The following ATRX variants were observed in gnomAD, a reference collection of about 807,000 sequenced individuals.
ATRX encodes the protein ATRX chromatin remodeler.
In ATRX, 12 loss-of-function variants were observed where a neutral mutation model predicts 172.6. The ratio of observed to expected loss-of-function variants is 0.07; its 90% CI spans 0.04 to 0.11. The LOEUF is 0.11. ATRX is among the 10% of genes least tolerant of loss of function. ATRX has a pLI of 1.00. For missense variants in ATRX, 1,368 were observed against 1,767.4 expected, an observed-to-expected ratio of 0.77 and a Z score of 4.05; for synonymous variants, 674 against 594.7, an observed-to-expected ratio of 1.13 and a Z score of -1.94.
intron 27 of ATRX, among the ~76,000 whole-genome samples, chrX:77,585,367 A>G (rs1192169070): frequency 9.2e-6 from 1 of 108,584 alleles, no homozygotes; most frequent in East Asian, 2.9e-4. Flanking sequence ...TGAGGTCAAG[A>G]GTTTGAGACC....
chrX:77,755,465 G>A (rs1184373038), intron 1 of ATRX, among the ~76,000 whole-genome samples: 2 of 112,253 alleles, frequency 1.8e-5, no homozygotes, highest in African/African-American at 6.5e-5. Context: ...CCTCATCTTC[G>A]TGGATTTATC....
rs781888987 is a variant in ATRX, at chrX:77,735,361, C to T, written c.21-18118G>A. 7.2e-5 allele frequency among the ~76,000 whole-genome samples: 8 copies of T among 111,541 alleles called. No homozygotes were observed. In the South Asian group the frequency reaches 2.9e-3, roughly 41 times the overall value. On this transcript the variant is annotated intron_variant, in intron 1 of 34. Coordinates refer to ENST00000373344, the MANE Select transcript of ATRX (RefSeq NM_000489.6). ...CCTGTAATCCCAGCACTTTGGGAGG[C>T]CAAGGCAGGCGGATCACGAGGTCAG... is the stretch of plus-strand genomic sequence containing the variant.
intron 19 of ATRX, among the ~76,000 whole-genome samples, chrX:77,628,672 A>G (rs1659004364): frequency 8.9e-6 from 1 of 112,017 alleles, no homozygotes; most frequent in African/African-American, 3.2e-5. Context: ...GATCTCAGTG[A>G]TCATAGTTCA....
chrX:77,540,713 A>G (rs1557050406), intron 30 of ATRX, among the ~76,000 whole-genome samples: 2 of 112,079 alleles, frequency 1.8e-5, no homozygotes, highest in Non-Finnish European at 3.8e-5. Context: ...CTCCTGAATG[A>G]CTACTGGGTA....
At chrX:77,589,711 A>C (rs1246023560) in intron 27 of ATRX, 123 bp downstream of exon 27, 1 of 557,565 alleles carries the variant, frequency 1.8e-6, no homozygotes, top group Non-Finnish European at 2.9e-6. Context: ...ACATTGCAAA[A>C]AAATTTTGAT....
intron 34 of ATRX, among the ~76,000 whole-genome samples, chrX:77,513,316 CAAA>C (rs1217104194): frequency 7.8e-5 from 2 of 25,654 alleles, no homozygotes; most frequent in Admixed American, 1.3e-3. Flanking sequence ...GACTCCGTCT[CAAA>C]AAAAAAAAAA....
intron 22 of ATRX, among the ~76,000 whole-genome samples, chrX:77,607,773 C>A (rs2066980744): frequency 9.7e-6 from 1 of 103,028 alleles, no homozygotes; most frequent in Non-Finnish European, 2.0e-5. Flanking sequence ...AACATTGATG[C>A]AAGAAATGGA....
At chrX:77,589,498 T>C (rs782685452) in intron 27 of ATRX, among the ~76,000 whole-genome samples, 2 of 111,684 alleles carry the variant, frequency 1.8e-5, no homozygotes, top group African/African-American at 6.5e-5. Context: ...ACTGCTGTAT[T>C]AGGAATTTTT....
rs782032983 is a variant in ATRX at position 77,600,197 on chromosome X, C to A, written c.5697+237G>T. 6.3e-5 allele frequency among the ~76,000 whole-genome samples: 7 copies of A among 111,697 alleles called. No homozygotes were observed. In the South Asian group the frequency reaches 2.6e-3, roughly 41 times the overall value. ...AGGGGAATTCTCAGAACTATTTTTG[C>A]AACTTTTCTATAAGTATAAAATTAT... On this transcript the variant is annotated intron_variant, in intron 23 of 34. Coordinates refer to ENST00000373344, the MANE Select transcript of ATRX (RefSeq NM_000489.6).
intron 1 of ATRX, among the ~76,000 whole-genome samples, chrX:77,726,276 T>C (rs1490928743): frequency 9.1e-6 from 1 of 110,296 alleles, no homozygotes; most frequent in East Asian, 2.9e-4. Context: ...ATACACACCA[T>C]GGAATACTAT....
chrX:77,711,366 G>A (rs1448811836), intron 2 of ATRX, among the ~76,000 whole-genome samples: 1 of 111,365 alleles, frequency 9.0e-6, no homozygotes, highest in Non-Finnish European at 1.9e-5. Context: ...ATATAATGAA[G>A]CAAGAAAAGA....
rs782403250 is a variant in ATRX at position 77,701,512 on chromosome X, C to CA, written c.134-2884dup. Among the ~76,000 whole-genome samples the CA allele has an allele frequency of 4.6e-3, 279 of 60,871 alleles. 2 individuals carry two copies. Among genetic ancestry groups the CA allele is most frequent in the Non-Finnish European group, 4.7e-3 (142 of 30,385 alleles). 52.9% of individuals were successfully genotyped at this position (60,871 alleles called of 115,157 possible). A position where few individuals can be genotyped will look rare whatever the true frequency, so the allele number is the denominator to read the frequency against. ...GGGCAACAAGAGCAAAACTCCGTCT[C>CA]AAAAAAAAAAAAAAATCTTTTTTCT... On this transcript the variant is annotated intron_variant, in intron 2 of 34. Transcript: ENST00000373344.
intron 26 of ATRX, among the ~76,000 whole-genome samples, chrX:77,592,115 A>C (rs2148106427): frequency 8.9e-6 from 1 of 111,896 alleles, no homozygotes; most frequent in African/African-American, 3.2e-5. Context: ...TAAAATTTTT[A>C]TTAAAAGCAT....
chrX:77,554,309 A>G (rs911555205), intron 30 of ATRX, among the ~76,000 whole-genome samples: 18 of 107,841 alleles, frequency 1.7e-4, no homozygotes, highest in Non-Finnish European at 2.5e-4. Context: ...TGTCTCAAAG[A>G]AAAAAAAAAC....
chrX:77,709,720 G>A (rs1160391040), intron 2 of ATRX, among the ~76,000 whole-genome samples: 1 of 109,633 alleles, frequency 9.1e-6, no homozygotes, highest in African/African-American at 3.3e-5. Flanking sequence ...GACAAGGCAG[G>A]AGGATTACCT....
At chrX:77,513,401 G>A (rs997565702) in intron 34 of ATRX, among the ~76,000 whole-genome samples, 5 of 107,021 alleles carry the variant, frequency 4.7e-5, no homozygotes, top group African/African-American at 1.0e-4. Flanking sequence ...AGCTGCCACC[G>A]AAAGACAAGG....
intron 23 of ATRX, 95 bp from the exon 24 acceptor site, chrX:77,599,915 G>C (rs1226153487): frequency 1.4e-6 from 1 of 722,085 alleles, no homozygotes; most frequent in Non-Finnish European, 2.1e-6. Flanking sequence ...TAATTGGCAC[G>C]AGCTGAGGAA....
intron 25 of ATRX, chrX:77,594,174 C>T: frequency 6.1e-6 from 1 of 164,998 alleles, no homozygotes; most frequent in Admixed American, 7.5e-5. Flanking sequence ...AGACAGAGAC[C>T]CAAAGAGAAG....
rs182096058 is a variant in ATRX at position 77,739,117 on chromosome X, G to A, written c.21-21874C>T. Reference sequence around the variant, plus strand: ...GCAGTACACATGAACCCAATTTGTAGTCTTTTATCCCTCATCTCCTTCCTA... The same window carrying A: ...GCAGTACACATGAACCCAATTTGTAATCTTTTATCCCTCATCTCCTTCCTA... On this transcript the variant is annotated intron_variant, in intron 1 of 34. Transcript: ENST00000373344. Among the ~76,000 whole-genome samples the A allele has an allele frequency of 1.3e-3, 148 of 110,592 alleles. 1 individual carries two copies. Among genetic ancestry groups the A allele is most frequent in the African/African-American group, 4.7e-3 (142 of 30,485 alleles).
Sources: gnomAD v4.1 joint callset for allele counts (sites outside exome capture counted in the v4.1 genomes callset) on GRCh38, gnomAD v4.1.1 for gene constraint, MANE v1.5 for transcripts, NCBI Gene and HGNC (gene_info 2026-07-23, HGNC 2026-07-21) for gene names.